Variants in TERT observed in about 807,000 individuals in gnomAD.
TERT encodes the protein telomerase reverse transcriptase, also known as telomerase catalytic subunit.
In TERT, 42 loss-of-function variants were observed where a neutral mutation model predicts 104.0. The observed-to-expected ratio is 0.40, with a 90% CI of 0.32 to 0.52. The LOEUF is 0.52. TERT is among the 20% of genes least tolerant of loss of function. TERT has a pLI of 0.43. For synonymous variants in TERT, 781 were observed against 725.6 expected (o/e 1.08, Z -1.23); for missense variants, 1,101 against 1,610.3 (o/e 0.68, Z 5.41).
chr5:1,293,277 T>C lies in TERT; in HGVS notation c.1573+36A>G, dbSNP rs774603532. The C allele has an allele frequency of 5.6e-6, 9 of 1,610,034 alleles. No homozygotes were observed. In the Admixed American group the frequency reaches 1.5e-4, roughly 27 times the overall value. ...TCTGAGCCCCTACTGCATTCAGCTCTGGGGCCTGGGCCCTCGACGGCCACC... is the reference window on the plus strand; with the variant it reads ...TCTGAGCCCCTACTGCATTCAGCTCCGGGGCCTGGGCCCTCGACGGCCACC... On this transcript the variant is annotated intron_variant, in intron 2 of 15. Transcript: ENST00000310581.
rs535479624 is a variant in TERT at position 1,270,543 on chromosome 5, T to C, written c.2468+576A>G. 2.0e-5 allele frequency among the ~76,000 whole-genome samples: 3 copies of C among 152,144 alleles called. No individual in the cohort carries two copies. The highest frequency in any genetic ancestry group is 4.4e-5 in the Non-Finnish European group (3 of 68,028). ...GTGAGTGTGGCTCACCCAGTGGCTG[T>C]GTGACGGCAGCTCTCCCAGGCCGCC... On this transcript the variant is annotated intron_variant, in intron 8 of 15. Transcript: ENST00000310581. This position sits in a 1 kb window ranked among gnomAD's most constrained non-coding sequence, Gnocchi z 8.3.
At position 1,263,029 on chromosome 5, in the gene TERT, G is replaced by C. The variant is rs1748342773; in HGVS notation, c.2843+1375C>G. On this transcript the variant is annotated intron_variant, in intron 11 of 15. Transcript: ENST00000310581. The surrounding 1 kb of genome is among the most constrained non-coding windows in gnomAD (Gnocchi z 5.3). The stretch of plus-strand genomic sequence containing the variant: ...CACAGGAGACCGGCATCCTTGTGGG[G>C]AGGGAGCTGCAACAGGGACATGCTG... 6.6e-6 allele frequency among the ~76,000 whole-genome samples: 1 copy of C among 152,196 alleles called. No homozygotes were observed. The highest frequency in any genetic ancestry group is 2.1e-4 in the South Asian group (1 of 4,836).
rs747935528 is a variant in TERT at position 1,294,319 on chromosome 5, G to A, written c.567C>T (p.His189=). 3.8e-6 allele frequency: 6 copies of A among 1,589,244 alleles called. No homozygotes were observed. The highest frequency in any genetic ancestry group is 1.1e-5 in the South Asian group (1 of 89,264). ...GAATQARPPP[H]ASGPRRRLGC... ...CCAGACGCCTTCGGGGTCCACTAGC[G>A]TGTGGCGGGGGCCGGGCCTGAGTGG... The change falls in exon 2 of 16, where the codon CAC becomes CAT. Residue 189 remains histidine, a synonymous_variant. Transcript: ENST00000310581.
At chr5:1,266,612 C>A in intron 9 of TERT, 77 bp from the exon 10 acceptor site, 2 of 1,194,044 alleles carry the variant, frequency 1.7e-6, no homozygotes, top group South Asian at 2.6e-5. Context: ...GACTGAATGT[C>A]AAACAATTTA....
intron 6 of TERT, among the ~76,000 whole-genome samples, chr5:1,277,111 T>G (rs982062705): frequency 6.6e-6 from 1 of 152,186 alleles, no homozygotes; most frequent in African/African-American, 2.4e-5. Flanking sequence ...TGTGGGCACG[T>G]GGGCATCAAG....
At position 1,262,298 on chromosome 5, in the gene TERT, A is replaced by T. The variant is rs1242116841; in HGVS notation, c.2844-1698T>A. ...CTCTCTTTTCCATCAGCTGTGCCACATACCACATTAACACACGTTTCTGAG... is the reference window on the plus strand; with the variant it reads ...CTCTCTTTTCCATCAGCTGTGCCACTTACCACATTAACACACGTTTCTGAG... On this transcript the variant is annotated intron_variant, in intron 11 of 15. Transcript: ENST00000310581. The surrounding 1 kb of genome is among the most constrained non-coding windows in gnomAD (Gnocchi z 5.6). Among the ~76,000 whole-genome samples the T allele has an allele frequency of 6.6e-6, 1 of 152,288 alleles. No individual in the cohort carries two copies. Among genetic ancestry groups the T allele is most frequent in the Non-Finnish European group, 1.5e-5 (1 of 68,028 alleles).
In TERT at chr5:1,294,257, G is replaced by A; in HGVS notation, c.629C>T (p.Ala210Val). Residue 210 changes from alanine to valine, a missense_variant, in exon 2 of 16, where the codon GCC (alanine) becomes GTC (valine). Physicochemically the swap from Ala to Val is moderately conservative, Grantham distance 64 (BLOSUM62 0). Around this residue, in one of 5 missense-constraint regions of TERT, gnomAD observed 504 missense variants for 544.6 expected, o/e 0.93. Coordinates refer to ENST00000310581, the MANE Select transcript of TERT (RefSeq NM_198253.3). ...GGCTGGCAGGCCCAGGGGGACCCCG[G>A]CCTCCCTGACGCTATGGTTCCAGGC... is the stretch of plus-strand genomic sequence containing the variant. ...ERAWNHSVREAGVPLGLPAPG... is the reference protein window; with the variant it reads ...ERAWNHSVREVGVPLGLPAPG... 1.3e-6 allele frequency: 2 copies of A among 1,591,786 alleles called. No individual in the cohort carries two copies. The highest frequency in any genetic ancestry group is 1.7e-6 in the Non-Finnish European group (2 of 1,175,366).
chr5:1,253,717 G>A lies in TERT; in HGVS notation c.*11C>T, dbSNP rs1176980331. 1.2e-6 allele frequency: 2 copies of A among 1,604,810 alleles called. No homozygotes were observed. The highest frequency in any genetic ancestry group is 1.3e-5 in the African/African-American group (1 of 74,856). ...GTGTCTGCTCTCGGCCTGGCTGTGG[G>A]CGGGTGGCCATCAGTCCAGGATGGT... is the stretch of plus-strand genomic sequence containing the variant. On this transcript the variant is annotated 3_prime_UTR_variant, in exon 16 of 16. Transcript: ENST00000310581.
intron 11 of TERT, chr5:1,264,172 T>C (rs1748426866): frequency 1.2e-5 from 7 of 580,768 alleles, no homozygotes; most frequent in Admixed American, 3.0e-5. Flanking sequence ...TGGTGCACCA[T>C]TTCCTTTTAC....
intron 2 of TERT, among the ~76,000 whole-genome samples, chr5:1,285,878 A>T (rs1052236693): frequency 3.3e-5 from 5 of 151,830 alleles, no homozygotes; most frequent in Non-Finnish European, 7.4e-5. Flanking sequence ...TAGAAATTTT[A>T]AAATTATCCA....
rs1013743707 is a variant in TERT, at chr5:1,270,122, C to T, written c.2468+997G>A. Among the ~76,000 whole-genome samples the T allele has an allele frequency of 8.5e-5, 13 of 152,164 alleles. No individual in the cohort carries two copies. Among genetic ancestry groups the T allele is most frequent in the African/African-American group, 1.9e-4 (8 of 41,424 alleles). ...TACACACATGTGCACACGTGTCCCT[C>T]GGCCAAAATTCACTCTGCTGCCATG... is the stretch of plus-strand genomic sequence containing the variant. On this transcript the variant is annotated intron_variant, in intron 8 of 15. Transcript: ENST00000310581. This position sits in a 1 kb window ranked among gnomAD's most constrained non-coding sequence, Gnocchi z 8.3.
rs1750647580 is a variant in TERT, at chr5:1,288,775, G to A, written c.1573+4538C>T. 6.6e-6 allele frequency among the ~76,000 whole-genome samples: 1 copy of A among 152,206 alleles called. No homozygotes were observed. The highest frequency in any genetic ancestry group is 2.1e-4 in the South Asian group (1 of 4,832). ...CGGCATGAGACAAGCTGGGAGAGGA[G>A]TATTGGCAGCATGCATGTGGCGGGC... On this transcript the variant is annotated intron_variant, in intron 2 of 15. Transcript: ENST00000310581. The surrounding 1 kb of genome is among the most constrained non-coding windows in gnomAD (Gnocchi z 5.3).
chr5:1,279,553 A>T, intron 4 of TERT, 83 bp from the exon 5 acceptor site: 1 of 1,402,408 alleles, frequency 7.1e-7, no homozygotes, highest in Non-Finnish European at 9.9e-7. Context: ...GGGGAGAAGC[A>T]GCCCCTCCCC....
intron 1 of TERT, 33 bp downstream of exon 1, chr5:1,294,738 C>A: frequency 6.4e-7 from 1 of 1,564,942 alleles, no homozygotes. Context: ...CCGCCCTCAA[C>A]CCCAGCCGGA....
chr5:1,259,829 G>A (rs1748086811), intron 12 of TERT, among the ~76,000 whole-genome samples: 1 of 143,978 alleles, frequency 6.9e-6, no homozygotes, highest in East Asian at 2.1e-4. Context: ...AGAGGGAGTG[G>A]ACGCGGACGC....
chr5:1,287,725 G>C lies in TERT; in HGVS notation c.1574-5101C>G, dbSNP rs554317694. On this transcript the variant is annotated intron_variant, in intron 2 of 15. Coordinates refer to ENST00000310581, the MANE Select transcript of TERT (RefSeq NM_198253.3). This position sits in a 1 kb window ranked among gnomAD's most constrained non-coding sequence, Gnocchi z 4.3. ...ATGCCTCACATAAATGCTACCAAAC[G>C]AGAAGAAATGAACAGACCCATCCCC... 1.3e-5 allele frequency among the ~76,000 whole-genome samples: 2 copies of C among 152,068 alleles called. No individual in the cohort carries two copies. The highest frequency in any genetic ancestry group is 2.4e-5 in the African/African-American group (1 of 41,452).
rs750133706 is a variant in TERT, at chr5:1,294,945, G to A, written c.45C>T (p.Arg15=). ...PRCRAVRSLL[R]SHYREVLPLA... ...GCGGCAGCACCTCGCGGTAGTGGCT[G>A]CGCAGCAGGGAGCGCACGGCTCGGC... Residue 15 remains arginine (R), a synonymous_variant, in exon 1 of 16, where the codon CGC becomes CGT. Coordinates refer to ENST00000310581, the MANE Select transcript of TERT (RefSeq NM_198253.3). The A allele has an allele frequency of 1.6e-5, 22 of 1,401,036 alleles. No homozygotes were observed. The highest frequency in any genetic ancestry group is 2.5e-4 in the Middle Eastern group (1 of 3,954). The allele number at this position is 1,401,036 out of a possible 1,614,324, so 86.8% of individuals were successfully genotyped here. A position where few individuals can be genotyped will look rare whatever the true frequency, so the allele number is the denominator to read the frequency against.
In TERT at chr5:1,270,915, G is replaced by A. The variant is rs911135862; in HGVS notation, c.2468+204C>T. On this transcript the variant is annotated intron_variant, in intron 8 of 15. Coordinates refer to ENST00000310581, the MANE Select transcript of TERT (RefSeq NM_198253.3). The surrounding 1 kb of genome is among the most constrained non-coding windows in gnomAD (Gnocchi z 8.3). Reference sequence around the variant, plus strand: ...CCAGGCCTCGTGTGGCACCTGCTCCGCTCCGGCTGCCGCAAGCCGAGCCAT... The same window carrying A: ...CCAGGCCTCGTGTGGCACCTGCTCCACTCCGGCTGCCGCAAGCCGAGCCAT... Among the ~76,000 whole-genome samples the A allele has an allele frequency of 5.3e-5, 8 of 152,190 alleles. No individual in the cohort carries two copies. The highest frequency in any genetic ancestry group is 1.2e-4 in the African/African-American group (5 of 41,448).
intron 2 of TERT, among the ~76,000 whole-genome samples, chr5:1,284,525 C>A (rs1353831990): frequency 6.8e-6 from 1 of 146,196 alleles, no homozygotes; most frequent in Non-Finnish European, 1.5e-5. Flanking sequence ...CAGACCTGCA[C>A]CATCCAGACA....
Sources: gnomAD v4.1 joint callset for allele counts (sites outside exome capture counted in the v4.1 genomes callset) on GRCh38, gnomAD v4.1.1 for gene constraint, gnomAD v4.1.1 regional missense constraint, Gnocchi (gnomAD v3.1) non-coding constraint, MANE v1.5 for transcripts, NCBI Gene and HGNC (gene_info 2026-07-23, HGNC 2026-07-21) for gene names.